Variants in MMP16 observed in about 807,000 individuals in gnomAD.
MMP16 encodes the protein matrix metallopeptidase 16.
A neutral mutation model predicts 67.8 loss-of-function variants in MMP16; 12 were observed. The ratio of observed to expected loss-of-function variants is 0.18; its 90% CI spans 0.11 to 0.29. The LOEUF is 0.29. Among genes scored for constraint, MMP16 ranks in the 10% least tolerant of loss-of-function variants. The pLI is 1.00. For missense variants in MMP16, 475 were observed against 765.7 expected (o/e 0.62, Z 4.48); for synonymous variants, 249 against 255.9 (o/e 0.97, Z 0.26).
At chr8:88,291,586 AAG>A (rs2130019434) in intron 1 of MMP16, among the ~76,000 whole-genome samples, 1 of 152,336 alleles carries the variant, frequency 6.6e-6, no homozygotes, top group South Asian at 2.1e-4. Context: ...CGGGAAAAGA[AAG>A]AGACACACAT....
At chr8:88,062,418 CAAT>C (rs1415393463) in intron 7 of MMP16, among the ~76,000 whole-genome samples, 4 of 152,078 alleles carry the variant, frequency 2.6e-5, no homozygotes, top group African/African-American at 9.7e-5. Context: ...AAATGTCCAA[CAAT>C]GACAGACTGG....
chr8:88,316,568 C>A (rs55888684), intron 1 of MMP16, among the ~76,000 whole-genome samples: 15,400 of 152,154 alleles, frequency 0.1, 926 homozygotes, highest in South Asian at 0.17. Context: ...CTGAGACTTA[C>A]TGCTCAGGAA....
At chr8:88,140,239 G>C (rs1174113100) in intron 4 of MMP16, among the ~76,000 whole-genome samples, 2 of 152,140 alleles carry the variant, frequency 1.3e-5, no homozygotes, top group African/African-American at 4.8e-5. Context: ...ATATGGCCTA[G>C]GGTTCTGTGA....
At chr8:88,115,558 G>T (rs1015189510) in intron 6 of MMP16, among the ~76,000 whole-genome samples, 2 of 151,886 alleles carry the variant, frequency 1.3e-5, no homozygotes, top group African/African-American at 4.8e-5. Context: ...AAAATTATAC[G>T]AAATCTGTAT....
chr8:88,232,532 C>T (rs1441262479), intron 1 of MMP16, among the ~76,000 whole-genome samples: 1 of 152,150 alleles, frequency 6.6e-6, no homozygotes, highest in African/African-American at 2.4e-5. Context: ...AAATGATCCA[C>T]ATATGTTCCG....
intron 1 of MMP16, among the ~76,000 whole-genome samples, chr8:88,244,628 G>GA (rs1310937982): frequency 6.6e-6 from 1 of 152,022 alleles, no homozygotes; most frequent in African/African-American, 2.4e-5. Flanking sequence ...TATACATTAT[G>GA]AAAAAACAAA....
intron 1 of MMP16, among the ~76,000 whole-genome samples, chr8:88,269,564 C>T (rs771056232): frequency 6.6e-6 from 1 of 152,180 alleles, no homozygotes; most frequent in Non-Finnish European, 1.5e-5. Flanking sequence ...TGATGGCTAG[C>T]TGGAATGCGT....
rs1808049707 is a variant in MMP16, at chr8:88,036,049, A to G, written c.*5412T>C. Reference sequence around the variant, plus strand: ...TCTTTGCTACTACGCCAAGTGTCTTAGATTACATGAGTATTGAGGTAAATT... The same window carrying G: ...TCTTTGCTACTACGCCAAGTGTCTTGGATTACATGAGTATTGAGGTAAATT... On this transcript the variant is annotated 3_prime_UTR_variant, in exon 10 of 10. Transcript: ENST00000286614. The G allele has an allele frequency of 6.6e-6, 1 of 151,990 alleles. No individual in the cohort carries two copies. The highest frequency in any genetic ancestry group is 2.4e-5 in the African/African-American group (1 of 41,458). The allele number at this position is 151,990 out of a possible 1,614,324, so 9.4% of individuals were successfully genotyped here.
chr8:88,130,952 G>A (rs568120307), intron 4 of MMP16, among the ~76,000 whole-genome samples: 1 of 151,822 alleles, frequency 6.6e-6, no homozygotes, highest in African/African-American at 2.4e-5. Context: ...AAAAAGGCAA[G>A]GGATGTAAAT....
rs994342973 is a variant in MMP16 at position 88,039,835 on chromosome 8, A to C, written c.*1626T>G. 160 of 152,744 alleles carry C rather than the reference A, an allele frequency of 1.0e-3. 3 individuals are homozygous for C. Among genetic ancestry groups the C allele is most frequent in the Admixed American group, 0.01 (155 of 15,280 alleles). The allele number at this position is 152,744 out of a possible 1,614,324, so 9.5% of individuals were successfully genotyped here. On this transcript the variant is annotated 3_prime_UTR_variant, in exon 10 of 10. Transcript: ENST00000286614. This position sits in a 1 kb window ranked among gnomAD's most constrained non-coding sequence, Gnocchi z 4.5. ...TCTCTAGGAAAAAAATATTGATACA[A>C]ACCTGCTCTGCAGGTCACATGAAAA... is the stretch of plus-strand genomic sequence containing the variant.
intron 6 of MMP16, among the ~76,000 whole-genome samples, chr8:88,102,217 C>T (rs1041900562): frequency 1.3e-5 from 2 of 151,786 alleles, no homozygotes; most frequent in African/African-American, 4.8e-5. Context: ...AACTGCCTCC[C>T]TCCCTCTTCA....
chr8:88,165,368 C>A (rs1473125090), intron 4 of MMP16, among the ~76,000 whole-genome samples: 1 of 151,788 alleles, frequency 6.6e-6, no homozygotes, highest in Non-Finnish European at 1.5e-5. Flanking sequence ...GCCAAATTAA[C>A]ACATCTTCAA....
intron 1 of MMP16, among the ~76,000 whole-genome samples, chr8:88,206,691 G>C (rs1006403069): frequency 1.4e-4 from 21 of 152,162 alleles, no homozygotes; most frequent in Non-Finnish European, 2.9e-4. Context: ...TTTAATATCA[G>C]AAGTGTTTTG....
intron 1 of MMP16, among the ~76,000 whole-genome samples, chr8:88,233,640 C>G (rs979762576): frequency 3.9e-5 from 6 of 152,230 alleles, no homozygotes; most frequent in Admixed American, 1.3e-4. Flanking sequence ...ACTACGGAAG[C>G]TGAGCTCTTA....
intron 4 of MMP16, among the ~76,000 whole-genome samples, chr8:88,152,854 G>A (rs2129650851): frequency 5.2e-5 from 1 of 19,248 alleles, no homozygotes; most frequent in South Asian, 1.4e-3. Context: ...AGTGTTGGAA[G>A]TTCTGGCCAG....
intron 3 of MMP16, among the ~76,000 whole-genome samples, chr8:88,175,983 A>C (rs1241981553): frequency 2.0e-5 from 3 of 152,184 alleles, no homozygotes; most frequent in Non-Finnish European, 4.4e-5. Context: ...GCCATGTGGA[A>C]CTGTGAGTCC....
chr8:88,258,698 A>C (rs1810342390), intron 1 of MMP16, among the ~76,000 whole-genome samples: 1 of 152,204 alleles, frequency 6.6e-6, no homozygotes, highest in Admixed American at 6.5e-5. Flanking sequence ...CGACTCAGAA[A>C]ACTACATTTT....
At chr8:88,179,875 C>G (rs1474169065) in intron 3 of MMP16, among the ~76,000 whole-genome samples, 2 of 152,094 alleles carry the variant, frequency 1.3e-5, no homozygotes, top group South Asian at 2.1e-4. Flanking sequence ...CAACTAAAAC[C>G]AGAGAAGGCA....
chr8:88,156,271 T>C (rs34928348), intron 4 of MMP16, among the ~76,000 whole-genome samples: 2,605 of 152,212 alleles, frequency 0.017, 24 homozygotes, highest in Non-Finnish European at 0.026. Context: ...CTTAGGTCAA[T>C]TCCCATTGCT....
Sources: allele counts gnomAD v4.1 joint callset (sites outside exome capture counted in the v4.1 genomes callset), GRCh38; gene constraint gnomAD v4.1.1; non-coding constraint Gnocchi (gnomAD v3.1); transcripts MANE v1.5; gene names NCBI Gene and HGNC (gene_info 2026-07-23, HGNC 2026-07-21).